DOCK2: variants seen among roughly 807,000 people sequenced by gnomAD.
DOCK2 encodes dedicator of cytokinesis protein 2.
A neutral mutation model predicts 248.9 loss-of-function variants in DOCK2; 87 were observed. The ratio of observed to expected loss-of-function variants is 0.35; its 90% CI spans 0.29 to 0.42. DOCK2 has a LOEUF of 0.42. DOCK2 is among the 10% of genes least tolerant of loss of function. The probability of loss-of-function intolerance (pLI) is 1.00; values close to 1 mark genes in which losing one functional copy is unlikely to be tolerated. For missense variants in DOCK2, 1,747 were observed against 2,300.2 expected (o/e 0.76, Z 4.92); for synonymous variants, 805 against 821.6 (o/e 0.98, Z 0.35).
At chr5:169,992,283 G>A (rs1325535082) in intron 29 of DOCK2, among the ~76,000 whole-genome samples, 1 of 152,228 alleles carries the variant, frequency 6.6e-6, no homozygotes, top group Non-Finnish European at 1.5e-5. Flanking sequence ...GAAAACCATG[G>A]TTGGGATTGT....
At chr5:169,840,620 A>G (rs1769897920) in intron 26 of DOCK2, 137 bp from the exon 27 acceptor site, 2 of 689,286 alleles carry the variant, frequency 2.9e-6, no homozygotes, top group Non-Finnish European at 5.2e-6. Flanking sequence ...GATGATGATG[A>G]TGATGGCAGT....
At chr5:170,035,691 G>A (rs2113838369) in intron 35 of DOCK2, among the ~76,000 whole-genome samples, 1 of 152,248 alleles carries the variant, frequency 6.6e-6, no homozygotes, top group African/African-American at 2.4e-5. Flanking sequence ...CTTAAATATG[G>A]TGTCAAGGAG....
intron 23 of DOCK2, among the ~76,000 whole-genome samples, chr5:169,752,433 C>CTGAA (rs997769639): frequency 1.5e-4 from 23 of 152,170 alleles, no homozygotes; most frequent in Non-Finnish European, 2.2e-4. Context: ...TATCTACTGT[C>CTGAA]TGAATGAATG....
At chr5:169,918,348 A>C (rs1774986260) in intron 27 of DOCK2, among the ~76,000 whole-genome samples, 1 of 152,238 alleles carries the variant, frequency 6.6e-6, no homozygotes, top group African/African-American at 2.4e-5. Context: ...TCTTCTGCTC[A>C]GTATCTAACC....
intron 27 of DOCK2, among the ~76,000 whole-genome samples, chr5:169,878,780 G>A (rs763715613): frequency 1.6e-4 from 24 of 152,310 alleles, no homozygotes; most frequent in Middle Eastern, 3.4e-3. Flanking sequence ...GAGTGATTGG[G>A]GCCAAAACAG....
intron 6 of DOCK2, among the ~76,000 whole-genome samples, chr5:169,678,427 C>G (rs1008774876): frequency 9.2e-5 from 14 of 152,010 alleles, no homozygotes; most frequent in African/African-American, 3.1e-4. Flanking sequence ...CCATGCCAGG[C>G]TAATTTTTGT....
intron 33 of DOCK2, among the ~76,000 whole-genome samples, chr5:170,026,090 A>G (rs1251658366): frequency 6.6e-6 from 1 of 152,032 alleles, no homozygotes. Flanking sequence ...TTTGTGCTGT[A>G]TCAGCACAAG....
chr5:170,048,426 AGCACT>A (rs1756793480), intron 40 of DOCK2, among the ~76,000 whole-genome samples: 1 of 152,200 alleles, frequency 6.6e-6, no homozygotes, highest in Admixed American at 6.5e-5. Flanking sequence ...AAATAAAAAT[AGCACT>A]AATAAACCCA....
At chr5:169,905,794 CT>C (rs1352408301) in intron 27 of DOCK2, among the ~76,000 whole-genome samples, 4 of 152,178 alleles carry the variant, frequency 2.6e-5, no homozygotes, top group Admixed American at 6.5e-5. Flanking sequence ...GTCCTCTGTC[CT>C]TTTTGGACTT....
chr5:169,978,328 G>A (rs1777793259), intron 27 of DOCK2, among the ~76,000 whole-genome samples: 1 of 130,226 alleles, frequency 7.7e-6, no homozygotes, highest in African/African-American at 3.0e-5. Context: ...CAAACTGGTA[G>A]CCTTTCCCTC....
chr5:169,786,452 T>C (rs1765986667), intron 25 of DOCK2, among the ~76,000 whole-genome samples: 1 of 152,140 alleles, frequency 6.6e-6, no homozygotes, highest in East Asian at 1.9e-4. Flanking sequence ...GTTTTAATAT[T>C]TAATGAGATG....
intron 25 of DOCK2, among the ~76,000 whole-genome samples, chr5:169,775,177 T>G (rs1220252393): frequency 1.3e-5 from 2 of 152,180 alleles, no homozygotes; most frequent in Non-Finnish European, 2.9e-5. Flanking sequence ...CCCAAAGTGT[T>G]GGGATTACAG....
At chr5:169,962,707 G>A (rs1284485986) in intron 27 of DOCK2, among the ~76,000 whole-genome samples, 1 of 152,088 alleles carries the variant, frequency 6.6e-6, no homozygotes, top group African/African-American at 2.4e-5. Flanking sequence ...TAAAAAGTAG[G>A]GAATGATAAC....
chr5:170,019,857 A>T (rs897865021), intron 33 of DOCK2, among the ~76,000 whole-genome samples: 2 of 151,928 alleles, frequency 1.3e-5, no homozygotes, highest in Non-Finnish European at 2.9e-5. Flanking sequence ...CCGTTCCCTC[A>T]GGCCTCACCC....
At chr5:170,008,371 TG>T in intron 30 of DOCK2, 125 bp from the exon 31 acceptor site, 1 of 929,206 alleles carries the variant, frequency 1.1e-6, no homozygotes, top group Non-Finnish European at 1.7e-6. Flanking sequence ...AAAATTGCAG[TG>T]GGCACAATTA....
rs1756871775 is a variant in DOCK2 at position 170,050,365 on chromosome 5, C to T, written c.4181C>T (p.Pro1394Leu). 5 of 1,614,092 alleles carry T rather than the reference C, an allele frequency of 3.1e-6. No homozygotes were observed. Among genetic ancestry groups the T allele is most frequent in the South Asian group, 1.1e-5 (1 of 91,062 alleles). Residue 1394 changes from proline to leucine, a missense_variant, in exon 41 of 52, where the codon CCG (proline) becomes CTG (leucine). This residue lies in a region of DOCK2 where 513 missense variants were observed against 586.1 expected (regional missense o/e 0.88). Transcript: ENST00000520908. The stretch of plus-strand genomic sequence containing the variant: ...GAGAAGATGAACACCACCTCTGCCC[C>T]GGGAGATGATGTGAAGAATGCCCCA... ...NAEKMNTTSA[P>L]GDDVKNAPGQ...
At chr5:169,647,692 C>G (rs1757545773) in intron 1 of DOCK2, among the ~76,000 whole-genome samples, 1 of 152,120 alleles carries the variant, frequency 6.6e-6, no homozygotes, top group Non-Finnish European at 1.5e-5. Flanking sequence ...CTGTCACACC[C>G]TCTCCCCACC....
intron 34 of DOCK2, chr5:170,028,386 TCA>T (rs1756000151): frequency 6.5e-6 from 1 of 154,924 alleles, no homozygotes; most frequent in African/African-American, 2.4e-5. Context: ...GATGCCCATT[TCA>T]CAGAGGTGGG....
intron 22 of DOCK2, among the ~76,000 whole-genome samples, chr5:169,747,008 A>G (rs1355995133): frequency 6.6e-6 from 1 of 152,234 alleles, no homozygotes; most frequent in Non-Finnish European, 1.5e-5. Flanking sequence ...ATGGCAGTGC[A>G]TTTGAAAATA....
Sources: allele counts gnomAD v4.1 joint callset (sites outside exome capture counted in the v4.1 genomes callset), GRCh38; gene constraint gnomAD v4.1.1; regional missense constraint gnomAD v4.1.1; transcripts MANE v1.5; gene names NCBI Gene and HGNC (gene_info 2026-07-23, HGNC 2026-07-21).